Variants in PDE4D observed in about 807,000 individuals in gnomAD.
PDE4D encodes 3',5'-cyclic-AMP phosphodiesterase 4D.
Under a neutral mutation model 87.4 loss-of-function variants are expected in PDE4D, and 24 were observed. That is an observed-to-expected ratio of 0.27 (90% CI 0.20 to 0.39). PDE4D has a LOEUF of 0.39. PDE4D is among the 10% of genes least tolerant of loss of function. The pLI is 1.00. For missense variants in PDE4D, 714 were observed against 1,041.0 expected, an observed-to-expected ratio of 0.69 and a Z score of 4.32; for synonymous variants, 384 against 383.2, an observed-to-expected ratio of 1.00 and a Z score of -0.02.
chr5:59,023,901 CTTTT>C (rs200528506), intron 6 of PDE4D, among the ~76,000 whole-genome samples: 2 of 133,268 alleles, frequency 1.5e-5, no homozygotes, highest in Admixed American at 7.7e-5. Context: ...ATGAATTCTA[CTTTT>C]TTTTTTTTTT....
At chr5:59,065,051 A>T (rs550333781) in intron 5 of PDE4D, among the ~76,000 whole-genome samples, 1,681 of 148,028 alleles carry the variant, frequency 0.011, 50 homozygotes, top group African/African-American at 0.04. Context: ...TGGACAAAGG[A>T]AATGTGATAT....
intron 2 of PDE4D, among the ~76,000 whole-genome samples, chr5:60,094,588 CTTTTT>C (rs3087200): frequency 1.7e-5 from 1 of 58,178 alleles, no homozygotes; most frequent in Admixed American, 2.3e-4. Context: ...GAGTGACATG[CTTTTT>C]TTTTTTTTTT....
At chr5:59,102,954 A>G (rs966817232) in intron 5 of PDE4D, among the ~76,000 whole-genome samples, 2 of 152,210 alleles carry the variant, frequency 1.3e-5, no homozygotes, top group African/African-American at 4.8e-5. Flanking sequence ...TCAAAACCCA[A>G]TGCAGGAAAG....
chr5:59,244,751 G>C (rs1758505102), intron 1 of PDE4D, among the ~76,000 whole-genome samples: 1 of 133,510 alleles, frequency 7.5e-6, no homozygotes, highest in East Asian at 2.4e-4. Flanking sequence ...ATTTCATCTG[G>C]CACATAATAG....
At chr5:59,868,546 T>TA (rs1209344686) in intron 1 of PDE4D, among the ~76,000 whole-genome samples, 6 of 152,132 alleles carry the variant, frequency 3.9e-5, no homozygotes, top group Non-Finnish European at 8.8e-5. Context: ...ATGAGCCCCT[T>TA]AGAATAAAAA....
intron 2 of PDE4D, among the ~76,000 whole-genome samples, chr5:60,116,293 C>A (rs1002251166): frequency 6.6e-6 from 1 of 152,048 alleles, no homozygotes. Flanking sequence ...TGCCCACAGA[C>A]AAAAGGTTGA....
At chr5:60,044,161 G>A (rs1768877078) in intron 2 of PDE4D, among the ~76,000 whole-genome samples, 1 of 151,792 alleles carries the variant, frequency 6.6e-6, no homozygotes, top group Admixed American at 6.6e-5. Context: ...GAATTGGACT[G>A]TTTCTAATAC....
chr5:60,146,793 C>T (rs1781035573), intron 2 of PDE4D, among the ~76,000 whole-genome samples: 1 of 152,060 alleles, frequency 6.6e-6, no homozygotes, highest in Admixed American at 6.6e-5. Context: ...AAATAAATAA[C>T]TCATTTTTTA....
intron 1 of PDE4D, among the ~76,000 whole-genome samples, chr5:59,264,773 G>A (rs528324886): frequency 5.9e-5 from 9 of 151,998 alleles, no homozygotes; most frequent in Non-Finnish European, 1.0e-4. Flanking sequence ...TCAGAGACAG[G>A]AATGCTAAAT....
intron 1 of PDE4D, among the ~76,000 whole-genome samples, chr5:60,329,165 A>G (rs1457839518): frequency 6.6e-6 from 1 of 151,982 alleles, no homozygotes; most frequent in Non-Finnish European, 1.5e-5. Flanking sequence ...TGGTGTCCCC[A>G]CCCAAATCTC....
intron 1 of PDE4D, among the ~76,000 whole-genome samples, chr5:59,652,283 C>T (rs1204198937): frequency 6.6e-6 from 1 of 152,192 alleles, no homozygotes; most frequent in Non-Finnish European, 1.5e-5. Context: ...TAGTCTCTGC[C>T]TGTGGCCATT....
At chr5:59,651,780 G>A (rs1166973253) in intron 1 of PDE4D, among the ~76,000 whole-genome samples, 1 of 152,128 alleles carries the variant, frequency 6.6e-6, no homozygotes, top group Non-Finnish European at 1.5e-5. Flanking sequence ...AAGAAGGAAG[G>A]ATTCTATCCA....
chr5:59,653,248 C>T (rs1217500606), intron 1 of PDE4D, among the ~76,000 whole-genome samples: 2 of 136,304 alleles, frequency 1.5e-5, no homozygotes, highest in African/African-American at 5.4e-5. Context: ...ACTCTGTTGC[C>T]AAGGCTGGAG....
chr5:59,864,719 G>A (rs1413267452), intron 1 of PDE4D, among the ~76,000 whole-genome samples: 2 of 152,122 alleles, frequency 1.3e-5, no homozygotes, highest in East Asian at 3.9e-4. Flanking sequence ...CCAACAGACT[G>A]GCAGTACCTT....
At chr5:59,719,357 G>A (rs1004378142) in intron 1 of PDE4D, among the ~76,000 whole-genome samples, 4 of 152,074 alleles carry the variant, frequency 2.6e-5, no homozygotes, top group Admixed American at 6.6e-5. Context: ...GTATTTCCAC[G>A]ACACAGATAC....
chr5:59,270,387 T>C (rs1479628646), intron 1 of PDE4D, among the ~76,000 whole-genome samples: 2 of 152,188 alleles, frequency 1.3e-5, no homozygotes, highest in Non-Finnish European at 2.9e-5. Context: ...TGATCTTAGA[T>C]GTCATACAAA....
At chr5:59,638,942 G>A (rs1163460210) in intron 1 of PDE4D, among the ~76,000 whole-genome samples, 2 of 152,026 alleles carry the variant, frequency 1.3e-5, no homozygotes, top group African/African-American at 4.8e-5. Flanking sequence ...CTTGCCAGAA[G>A]CACTATCTTT....
At chr5:59,508,108 G>GTT (rs1034988939) in intron 1 of PDE4D, among the ~76,000 whole-genome samples, 5 of 152,002 alleles carry the variant, frequency 3.3e-5, no homozygotes, top group Admixed American at 6.6e-5. Flanking sequence ...TTTTTGCTTT[G>GTT]TTTGTTTTTT....
At chr5:60,359,781 T>C (rs1759904686) in intron 1 of PDE4D, among the ~76,000 whole-genome samples, 1 of 152,188 alleles carries the variant, frequency 6.6e-6, no homozygotes, top group Non-Finnish European at 1.5e-5. Context: ...ACTAATATTA[T>C]GGAATCATTT....
Sources: gnomAD v4.1 joint callset for allele counts (sites outside exome capture counted in the v4.1 genomes callset) on GRCh38, gnomAD v4.1.1 for gene constraint, MANE v1.5 for transcripts, NCBI Gene and HGNC (gene_info 2026-07-23, HGNC 2026-07-21) for gene names.